The following TSEN15 variants were observed in gnomAD, a reference collection of about 807,000 sequenced individuals.
TSEN15 encodes tRNA splicing endonuclease subunit 15.
Under a neutral mutation model 20.5 loss-of-function variants are expected in TSEN15, and 10 were observed. That is an observed-to-expected ratio of 0.49 (90% CI 0.30 to 0.83). The LOEUF is 0.83. TSEN15 is among the 40% of genes least tolerant of loss of function. The pLI is 0.06. For missense variants in TSEN15, 180 were observed against 218.6 expected (o/e 0.82, Z 1.11); for synonymous variants, 72 against 80.1 (o/e 0.90, Z 0.54).
In TSEN15 at chr1:184,072,879, TACAAGATTGGATTTGAGACCCATCAG is replaced by T; in HGVS notation, c.*35_*60del. On this transcript the variant is annotated 3_prime_UTR_variant, in exon 5 of 5. Coordinates refer to ENST00000645668, the MANE Select transcript of TSEN15 (RefSeq NM_052965.4). ...TGTTTCCTGATGCTTGTTTTATTCA[TACAAGATTGGATTTGAGACCCATCAG>T]ACTGCTTCATCTTTTATCTCAGAAA... 6.3e-7 allele frequency: 1 copy of T among 1,596,544 alleles called. No homozygotes were observed. The highest frequency in any genetic ancestry group is 1.8e-5 in the Admixed American group (1 of 56,700).
intron 4 of TSEN15, 106 bp downstream of exon 4, chr1:184,072,404 T>C (rs2102895508): frequency 2.8e-6 from 3 of 1,066,858 alleles, no homozygotes; most frequent in Admixed American, 3.5e-5. Context: ...TCCTTTGCCA[T>C]AGGGAAAATT....
At chr1:184,053,632 G>C (rs1650132890) in intron 1 of TSEN15, among the ~76,000 whole-genome samples, 1 of 152,322 alleles carries the variant, frequency 6.6e-6, no homozygotes, top group South Asian at 2.1e-4. Flanking sequence ...CGCTGGCATA[G>C]CTGGGCAGCC....
chr1:184,064,972 C>G (rs1410053957), intron 3 of TSEN15, among the ~76,000 whole-genome samples: 1 of 152,142 alleles, frequency 6.6e-6, no homozygotes, highest in Non-Finnish European at 1.5e-5. Flanking sequence ...TCCATCCCAA[C>G]CTCTTCCATG....
chr1:184,095,688 A>T lies in TSEN15; in HGVS notation c.354-2A>T, dbSNP rs78198232. The T allele has an allele frequency of 0.013, 5,032 of 395,682 alleles. 225 individuals are homozygous for T. The highest frequency in any genetic ancestry group is 0.095 in the African/African-American group (4,504 of 47,646). The allele number at this position is 395,682 out of a possible 1,614,324, so 24.5% of individuals were successfully genotyped here. On this transcript the variant is annotated splice_acceptor_variant, in intron 3 of 3. Transcript: ENST00000643231. LOFTEE classifies it low-confidence loss of function (ANC_ALLELE). Reference sequence around the variant, plus strand: ...CTCTCTGTGTCTCTCTCTCTTTCCCAGTTGTACACAGAAGAAAGCCCATAT... The same window carrying T: ...CTCTCTGTGTCTCTCTCTCTTTCCCTGTTGTACACAGAAGAAAGCCCATAT...
chr1:184,053,745 A>T (rs1650138193), intron 1 of TSEN15, among the ~76,000 whole-genome samples: 1 of 152,074 alleles, frequency 6.6e-6, no homozygotes, highest in Non-Finnish European at 1.5e-5. Context: ...AATTCCTTTT[A>T]AAAAATCTAC....
intron 3 of TSEN15, among the ~76,000 whole-genome samples, chr1:184,071,843 T>C (rs1650894299): frequency 6.6e-6 from 1 of 152,038 alleles, no homozygotes. Context: ...AGATTGGATA[T>C]AAAAACAAGA....
At chr1:184,079,136 T>A (rs75562755), downstream of TSEN15, among the ~76,000 whole-genome samples, 11 of 152,276 alleles carry the variant, frequency 7.2e-5, no homozygotes, top group East Asian at 2.1e-3. Context: ...CTCTTAATGA[T>A]CTTTGGATAA....
exon 4 of TSEN15, chr1:184,095,803 A>C: frequency 2.5e-6 from 1 of 398,526 alleles, no homozygotes; most frequent in Non-Finnish European, 4.4e-6. Context: ...CTGGATTTCT[A>C]GTGTCCAGAA....
At chr1:184,072,092 C>T in intron 3 of TSEN15, 65 bp from the exon 4 acceptor site, 1 of 1,505,212 alleles carries the variant, frequency 6.6e-7, no homozygotes, top group Non-Finnish European at 8.9e-7. Context: ...CTAGTGCTTT[C>T]TTCTGTCACA....
chr1:184,058,525 A>T (rs1220009285), intron 3 of TSEN15, among the ~76,000 whole-genome samples: 1 of 152,104 alleles, frequency 6.6e-6, no homozygotes, highest in Non-Finnish European at 1.5e-5. Flanking sequence ...TTTAGGTAGT[A>T]GGCATACTTT....
chr1:184,083,009 A>G (rs1386227236), intron 3 of TSEN15, among the ~76,000 whole-genome samples: 2 of 152,186 alleles, frequency 1.3e-5, no homozygotes, highest in African/African-American at 4.8e-5. Context: ...TAAAATTCAT[A>G]TTGATACTCA....
chr1:184,060,416 A>G (rs1157723566), intron 3 of TSEN15, among the ~76,000 whole-genome samples: 1 of 152,270 alleles, frequency 6.6e-6, no homozygotes, highest in East Asian at 1.9e-4. Context: ...ATATCTGTAC[A>G]TGATGCCCTG....
Position 184,072,505 on chromosome 1 carries a change from AT to A in TSEN15, c.495+209del, listed in dbSNP as rs1650923764. On this transcript the variant is annotated intron_variant, in intron 4 of 4. Transcript: ENST00000645668. Reference sequence around the variant, plus strand: ...TCCTAGTTATTTTTGCAAAAAAAAAATTGATTTCCTTACTCTTTGGAGAATT... The same window carrying A: ...TCCTAGTTATTTTTGCAAAAAAAAAATGATTTCCTTACTCTTTGGAGAATT... 12 of 563,234 alleles carry A rather than the reference AT, an allele frequency of 2.1e-5. No individual in the cohort carries two copies. In the East Asian group the frequency reaches 3.8e-4, roughly 18 times the overall value. The allele number at this position is 563,234 out of a possible 1,614,324, so 34.9% of individuals were successfully genotyped here. A position where few individuals can be genotyped will look rare whatever the true frequency, so the allele number is the denominator to read the frequency against.
intron 3 of TSEN15, 162 bp from the exon 4 acceptor site, chr1:184,071,995 A>C (rs889347520): frequency 1.7e-6 from 1 of 598,702 alleles, no homozygotes; most frequent in Admixed American, 3.4e-5. Context: ...ATTTGATACT[A>C]TACCAGAAGA....
chr1:184,092,097 A>G (rs531194619), intron 3 of TSEN15, among the ~76,000 whole-genome samples: 106 of 152,312 alleles, frequency 7.0e-4, no homozygotes, highest in African/African-American at 2.4e-3. Flanking sequence ...GTGCCTGACA[A>G]GTCTTTATCT....
chr1:184,063,099 T>G (rs1650525676), intron 3 of TSEN15, among the ~76,000 whole-genome samples: 1 of 152,124 alleles, frequency 6.6e-6, no homozygotes, highest in African/African-American at 2.4e-5. Context: ...GATGGGAGAA[T>G]GGAGCCTCTC....
At chr1:184,086,335 A>G (rs7522626) in intron 3 of TSEN15, among the ~76,000 whole-genome samples, 110,853 of 152,134 alleles carry the variant, frequency 0.73, 40,733 homozygotes, top group African/African-American at 0.81. Flanking sequence ...AAACTAAGTT[A>G]GAGTTCTTAG....
chr1:184,090,023 T>C (rs1465024630), intron 3 of TSEN15, among the ~76,000 whole-genome samples: 1 of 152,210 alleles, frequency 6.6e-6, no homozygotes, highest in Non-Finnish European at 1.5e-5. Context: ...GACCTGTACA[T>C]GAGGTTTATA....
chr1:184,073,537 A>G lies in TSEN15; in HGVS notation c.*690A>G, dbSNP rs761330106. ...TATCACATATCATAGCTTGAATATTACAACAGTGTGGGAGAGAATCAACCG... is the reference window on the plus strand; with the variant it reads ...TATCACATATCATAGCTTGAATATTGCAACAGTGTGGGAGAGAATCAACCG... On this transcript the variant is annotated 3_prime_UTR_variant, in exon 5 of 5. Coordinates refer to ENST00000645668, the MANE Select transcript of TSEN15 (RefSeq NM_052965.4). 5.2e-5 allele frequency: 8 copies of G among 152,618 alleles called. 1 individual carries two copies. Among genetic ancestry groups the G allele is most frequent in the Non-Finnish European group, 1.2e-4 (8 of 68,042 alleles). The allele number at this position is 152,618 out of a possible 1,614,324, so 9.5% of individuals were successfully genotyped here. A position where few individuals can be genotyped will look rare whatever the true frequency, so the allele number is the denominator to read the frequency against.
Sources: allele counts gnomAD v4.1 joint callset (sites outside exome capture counted in the v4.1 genomes callset), GRCh38; gene constraint gnomAD v4.1.1; transcripts MANE v1.5; gene names NCBI Gene and HGNC (gene_info 2026-07-23, HGNC 2026-07-21).